Variants in TBC1D23 observed in about 807,000 individuals in gnomAD.
The protein encoded by TBC1D23 is TBC1 domain family member 23.
Under a neutral mutation model 91.4 loss-of-function variants are expected in TBC1D23, and 55 were observed. That is an observed-to-expected ratio of 0.60 (90% confidence interval 0.48 to 0.75). TBC1D23 has a LOEUF of 0.75. Ranked by LOEUF, TBC1D23 falls within the 30% of genes least tolerant of loss-of-function variation. TBC1D23 has a pLI of 0.00. For missense variants in TBC1D23, 725 were observed against 836.1 expected (o/e 0.87, Z 1.64); for synonymous variants, 289 against 281.0 (o/e 1.03, Z -0.28).
chr3:100,291,767 G>GATGTATTATCATTGGATTATAT (rs1329792313), intron 5 of TBC1D23, among the ~76,000 whole-genome samples: 61 of 150,546 alleles, frequency 4.1e-4, no homozygotes, highest in African/African-American at 1.4e-3. Context: ...CTACATCAAA[G>GATGTATTATCATTGGATTATAT]ATGGATTATC....
intron 9 of TBC1D23, 92 bp downstream of exon 9, chr3:100,298,137 A>G (rs887672951): frequency 9.1e-6 from 10 of 1,104,290 alleles, no homozygotes; most frequent in East Asian, 2.6e-5. Context: ...CACAAAATCA[A>G]TTTACTGCAA....
chr3:100,284,638 A>C (rs992731791), intron 4 of TBC1D23, among the ~76,000 whole-genome samples: 1 of 152,008 alleles, frequency 6.6e-6, no homozygotes, highest in African/African-American at 2.4e-5. Flanking sequence ...GAGACCAGAC[A>C]GATGTGCAGG....
chr3:100,292,097 T>C (rs958226149), intron 5 of TBC1D23, among the ~76,000 whole-genome samples: 17 of 152,198 alleles, frequency 1.1e-4, no homozygotes, highest in Non-Finnish European at 5.9e-5. Context: ...TCACATATCA[T>C]GTAGGCGTTG....
intron 1 of TBC1D23, among the ~76,000 whole-genome samples, chr3:100,274,349 G>T (rs1166364970): frequency 6.6e-6 from 1 of 152,096 alleles, no homozygotes; most frequent in Non-Finnish European, 1.5e-5. Context: ...TGAAACCCAG[G>T]TCTGACACTA....
chr3:100,271,026 G>T (rs2067595182), intron 1 of TBC1D23, among the ~76,000 whole-genome samples: 1 of 152,162 alleles, frequency 6.6e-6, no homozygotes, highest in African/African-American at 2.4e-5. Context: ...GAATTTTGAA[G>T]ATTAGTGAAG....
chr3:100,302,247 C>G lies in TBC1D23; in HGVS notation c.1263+10C>G. ...GGCACACTTTTTACAGGTATGCTGACATAAATTATTTCAGTTTTGTTTGGT... is the reference window on the plus strand; with the variant it reads ...GGCACACTTTTTACAGGTATGCTGAGATAAATTATTTCAGTTTTGTTTGGT... On this transcript the variant is annotated intron_variant, in intron 11 of 18. Coordinates refer to ENST00000394144, the MANE Select transcript of TBC1D23 (RefSeq NM_001199198.3). The G allele has an allele frequency of 6.3e-7, 1 of 1,587,640 alleles. No individual in the cohort carries two copies. Among genetic ancestry groups the G allele is most frequent in the Non-Finnish European group, 8.6e-7 (1 of 1,168,648 alleles).
chr3:100,262,852 G>C (rs2067524927), intron 1 of TBC1D23, among the ~76,000 whole-genome samples: 1 of 150,974 alleles, frequency 6.6e-6, no homozygotes, highest in Admixed American at 6.6e-5. Context: ...TTTGTGCCAA[G>C]TCTTCAAAAT....
intron 3 of TBC1D23, among the ~76,000 whole-genome samples, chr3:100,283,190 TG>T (rs2067709605): frequency 6.6e-6 from 1 of 152,112 alleles, no homozygotes; most frequent in Non-Finnish European, 1.5e-5. Flanking sequence ...CTGGCCAACA[TG>T]GTGAAACCCT....
Position 100,316,102 on chromosome 3 carries a change from T to C in TBC1D23, c.1602T>C (p.His534=), listed in dbSNP as rs1324097574. The C allele has an allele frequency of 1.9e-6, 3 of 1,612,638 alleles. No homozygotes were observed. The highest frequency in any genetic ancestry group is 2.5e-6 in the Non-Finnish European group (3 of 1,178,690). ...PWPDRSCTER[H]VSSSDRVGKP... Reference sequence around the variant, plus strand: ...TCCTAAAATTCTTTGAATATAGGCATGTGAGCAGCAGTGACAGAGTGGGCA... The same window carrying C: ...TCCTAAAATTCTTTGAATATAGGCACGTGAGCAGCAGTGACAGAGTGGGCA... The change falls in exon 16 of 19, where the codon CAT becomes CAC. Residue 534 remains histidine, a synonymous_variant. Transcript: ENST00000394144.
At chr3:100,303,966 A>G (rs926574714) in intron 11 of TBC1D23, among the ~76,000 whole-genome samples, 1 of 152,174 alleles carries the variant, frequency 6.6e-6, no homozygotes, top group African/African-American at 2.4e-5. Flanking sequence ...ACTGAATGCC[A>G]TAAACTCATT....
In TBC1D23 at chr3:100,288,242, TA is replaced by T. The variant is rs57164675; in HGVS notation, c.477-2322del. On this transcript the variant is annotated intron_variant, in intron 4 of 18. Transcript: ENST00000394144. The stretch of plus-strand genomic sequence containing the variant: ...GCCTGGGCAACAGTGAGACCCTGTC[TA>T]AAAAAAAAAAAAATTAAAAAATTAA... Among the ~76,000 whole-genome samples, 883 of 139,214 alleles carry T rather than the reference TA, an allele frequency of 6.3e-3. 2 individuals are homozygous for T. Among genetic ancestry groups the T allele is most frequent in the South Asian group, 9.1e-3 (40 of 4,400 alleles). The allele number at this position is 139,214 out of a possible 152,430, so 91.3% of individuals were successfully genotyped here.
chr3:100,263,068 C>T (rs1316526522), intron 1 of TBC1D23, among the ~76,000 whole-genome samples: 1 of 152,182 alleles, frequency 6.6e-6, no homozygotes, highest in Non-Finnish European at 1.5e-5. Context: ...AGCTTTTAAT[C>T]ACCTGGGTGC....
chr3:100,320,424 G>C (rs1212109048), intron 17 of TBC1D23, among the ~76,000 whole-genome samples: 1 of 152,100 alleles, frequency 6.6e-6, no homozygotes, highest in Non-Finnish European at 1.5e-5. Context: ...CATTGAATGA[G>C]AATAGTTTAT....
At chr3:100,267,921 A>G (rs944300075) in intron 1 of TBC1D23, among the ~76,000 whole-genome samples, 1 of 152,222 alleles carries the variant, frequency 6.6e-6, no homozygotes, top group Admixed American at 6.5e-5. Flanking sequence ...CTATAATCCC[A>G]TCACTTGGGG....
chr3:100,297,897 A>G (rs1559808939), intron 8 of TBC1D23, 26 bp from the exon 9 acceptor site: 3 of 1,545,352 alleles, frequency 1.9e-6, no homozygotes, highest in Non-Finnish European at 1.8e-6. Context: ...TTTTTTCATA[A>G]TGTTTAAAAA....
At chr3:100,269,353 G>A (rs2067583158) in intron 1 of TBC1D23, among the ~76,000 whole-genome samples, 1 of 152,180 alleles carries the variant, frequency 6.6e-6, no homozygotes. Context: ...TTTAAAGCTG[G>A]TGAATGGGTG....
intron 9 of TBC1D23, among the ~76,000 whole-genome samples, chr3:100,298,304 C>T (rs11919675): frequency 1.1e-4 from 2 of 17,960 alleles, no homozygotes; most frequent in South Asian, 3.3e-3. Flanking sequence ...TATCTTTTTT[C>T]CATATTTCAG....
chr3:100,286,107 A>G (rs1198992882), intron 4 of TBC1D23, among the ~76,000 whole-genome samples: 1 of 152,154 alleles, frequency 6.6e-6, no homozygotes, highest in African/African-American at 2.4e-5. Flanking sequence ...GCTTTATGTA[A>G]GGAAAACAGA....
intron 4 of TBC1D23, among the ~76,000 whole-genome samples, chr3:100,285,678 A>G (rs561104915): frequency 6.6e-6 from 1 of 152,300 alleles, no homozygotes; most frequent in East Asian, 1.9e-4. Context: ...GCTGCATCAT[A>G]TGTTCTCACC....
Sources: gnomAD v4.1 joint callset for allele counts (sites outside exome capture counted in the v4.1 genomes callset) on GRCh38, gnomAD v4.1.1 for gene constraint, MANE v1.5 for transcripts, NCBI Gene and HGNC (gene_info 2026-07-23, HGNC 2026-07-21) for gene names.